Variants in KIAA1217 observed in about 807,000 individuals in gnomAD.
The protein encoded by KIAA1217 is sickle tail protein homolog.
A neutral mutation model predicts 163.9 loss-of-function variants in KIAA1217; 88 were observed. The ratio of observed to expected loss-of-function variants is 0.54; its 90% CI spans 0.45 to 0.64. The LOEUF (loss-of-function observed/expected upper bound fraction) is 0.64. Among genes scored for constraint, KIAA1217 ranks in the 30% least tolerant of loss-of-function variants. The pLI is 0.00. For missense variants in KIAA1217, 2,372 were observed against 2,475.0 expected, an observed-to-expected ratio of 0.96 and a Z score of 0.88; for synonymous variants, 903 against 923.1, an observed-to-expected ratio of 0.98 and a Z score of 0.39.
chr10:24,336,159 G>C (rs757754313), intron 2 of KIAA1217, among the ~76,000 whole-genome samples: 14 of 152,092 alleles, frequency 9.2e-5, no homozygotes, highest in Admixed American at 3.3e-4. Context: ...GGAGAATCTC[G>C]TGAACATGGG....
At chr10:23,934,853 G>C (rs766503484) in intron 1 of KIAA1217, among the ~76,000 whole-genome samples, 1 of 151,276 alleles carries the variant, frequency 6.6e-6, no homozygotes. Context: ...TCCTGACCTC[G>C]TGATCCGCCC....
intron 2 of KIAA1217, among the ~76,000 whole-genome samples, chr10:24,199,522 G>C (rs914498550): frequency 1.3e-5 from 2 of 152,112 alleles, no homozygotes; most frequent in Non-Finnish European, 2.9e-5. Flanking sequence ...AACTATAGCC[G>C]AAGAGAAATT....
chr10:24,037,495 A>C (rs28706397), intron 2 of KIAA1217, among the ~76,000 whole-genome samples: 8 of 152,136 alleles, frequency 5.3e-5, no homozygotes, highest in African/African-American at 1.9e-4. Flanking sequence ...GTCTCAAAAA[A>C]ACAAAAAAGC....
intron 6 of KIAA1217, chr10:24,482,653 T>C (rs1027010811): frequency 6.6e-6 from 1 of 152,198 alleles, no homozygotes; most frequent in Non-Finnish European, 1.5e-5. Context: ...TCATTTTTCA[T>C]GAATGAAGTG....
chr10:24,510,112 C>T (rs1264104924), intron 9 of KIAA1217, among the ~76,000 whole-genome samples: 1 of 152,124 alleles, frequency 6.6e-6, no homozygotes, highest in African/African-American at 2.4e-5. Flanking sequence ...AAATGGCATG[C>T]TCCCTGCCTT....
chr10:24,301,399 T>G (rs1220436819), intron 2 of KIAA1217, among the ~76,000 whole-genome samples: 1 of 152,244 alleles, frequency 6.6e-6, no homozygotes, highest in Non-Finnish European at 1.5e-5. Context: ...AAATTGATTA[T>G]AAAGCATATT....
chr10:24,418,106 A>AC (rs2058417920), intron 3 of KIAA1217, among the ~76,000 whole-genome samples: 1 of 150,062 alleles, frequency 6.7e-6, no homozygotes, highest in East Asian at 2.0e-4. Flanking sequence ...GCCACCACCA[A>AC]TAAAAAAAAA....
chr10:24,035,690 A>G (rs1438136682), intron 2 of KIAA1217, among the ~76,000 whole-genome samples: 1 of 152,194 alleles, frequency 6.6e-6, no homozygotes, highest in South Asian at 2.1e-4. Flanking sequence ...TCCCTTATAC[A>G]TGATCTCTAT....
At chr10:24,439,775 A>C (rs1270124770) in intron 5 of KIAA1217, among the ~76,000 whole-genome samples, 4 of 151,868 alleles carry the variant, frequency 2.6e-5, no homozygotes, top group Non-Finnish European at 4.4e-5. Context: ...TCACATCCCT[A>C]ACCCTCCCAT....
intron 1 of KIAA1217, among the ~76,000 whole-genome samples, chr10:23,776,343 T>C (rs979198475): frequency 1.3e-5 from 2 of 149,694 alleles, no homozygotes; most frequent in East Asian, 1.9e-4. Flanking sequence ...ATTGGAAATA[T>C]ATATATATAT....
chr10:23,875,098 C>G (rs1476716502), intron 1 of KIAA1217, among the ~76,000 whole-genome samples: 1 of 152,020 alleles, frequency 6.6e-6, no homozygotes. Context: ...CTCATTACTG[C>G]AAGGAGGGCA....
chr10:24,503,751 C>T (rs996126849), intron 9 of KIAA1217, among the ~76,000 whole-genome samples: 2 of 152,216 alleles, frequency 1.3e-5, no homozygotes, highest in Non-Finnish European at 2.9e-5. Flanking sequence ...CAGAGGGGGC[C>T]TATCGGCTCC....
intron 2 of KIAA1217, among the ~76,000 whole-genome samples, chr10:24,125,273 A>G (rs2063426427): frequency 6.6e-6 from 1 of 151,856 alleles, no homozygotes; most frequent in South Asian, 2.1e-4. Context: ...CTCTGTCAAA[A>G]AGAAAAGAAA....
At chr10:24,019,151 T>C (rs972494400) in intron 2 of KIAA1217, among the ~76,000 whole-genome samples, 3 of 152,192 alleles carry the variant, frequency 2.0e-5, no homozygotes, top group African/African-American at 7.2e-5. Flanking sequence ...TAATTAATGA[T>C]AATGTGTGTA....
chr10:24,063,551 T>G (rs1212721508), intron 2 of KIAA1217, among the ~76,000 whole-genome samples: 3 of 152,190 alleles, frequency 2.0e-5, no homozygotes, highest in South Asian at 2.1e-4. Flanking sequence ...AGCCTTGTAG[T>G]ATAGTTTGAA....
At chr10:23,843,011 C>A (rs1226310057) in intron 1 of KIAA1217, among the ~76,000 whole-genome samples, 3 of 152,040 alleles carry the variant, frequency 2.0e-5, no homozygotes, top group Non-Finnish European at 4.4e-5. Context: ...CATCACTGGG[C>A]AGAAGTTGAG....
intron 3 of KIAA1217, among the ~76,000 whole-genome samples, chr10:24,391,504 C>T (rs2054981308): frequency 6.6e-6 from 1 of 151,918 alleles, no homozygotes; most frequent in South Asian, 2.1e-4. Flanking sequence ...GCCAACACAC[C>T]TGGTTAATTT....
At chr10:23,942,007 C>T (rs1231603258) in intron 1 of KIAA1217, among the ~76,000 whole-genome samples, 1 of 152,102 alleles carries the variant, frequency 6.6e-6, no homozygotes, top group Non-Finnish European at 1.5e-5. Context: ...CTACACCGCA[C>T]AGAGGAAGAA....
intron 2 of KIAA1217, among the ~76,000 whole-genome samples, chr10:24,021,970 A>T (rs1847752454): frequency 6.6e-6 from 1 of 151,832 alleles, no homozygotes; most frequent in East Asian, 1.9e-4. Context: ...TGTAAAACCC[A>T]AAACTATAAA....
Sources: gnomAD v4.1 joint callset for allele counts (sites outside exome capture counted in the v4.1 genomes callset) on GRCh38, gnomAD v4.1.1 for gene constraint, MANE v1.5 for transcripts, NCBI Gene and HGNC (gene_info 2026-07-23, HGNC 2026-07-21) for gene names.